Variants in RCAN2 observed in about 807,000 individuals in gnomAD.
RCAN2 encodes regulator of calcineurin 2.
RCAN2 carries 9 observed loss-of-function variants against 23.6 expected under a neutral mutation model. That is an observed-to-expected ratio of 0.38 (90% CI 0.23 to 0.67). RCAN2 has a LOEUF of 0.67. RCAN2 is among the 30% of genes least tolerant of loss of function. The pLI, the probability that RCAN2 is intolerant of heterozygous loss-of-function variation, is 0.51. For synonymous variants in RCAN2, 109 were observed against 115.7 expected, an observed-to-expected ratio of 0.94 and a Z score of 0.37; for missense variants, 273 against 302.3, an observed-to-expected ratio of 0.90 and a Z score of 0.72.
At position 46,327,366 on chromosome 6, in the gene RCAN2, G is replaced by A. The variant is rs150512134; in HGVS notation, c.226-78470C>T. ...ATACTGGCAGACAGAGAAGTGAGGG[G>A]TGCCCTTCAGCTAGGTAAAAACAGA... On this transcript the variant is annotated intron_variant, in intron 2 of 4. Coordinates refer to ENST00000371374, the MANE Select transcript of RCAN2 (RefSeq NM_001251974.2). Among the ~76,000 whole-genome samples the A allele has an allele frequency of 7.1e-3, 1,083 of 152,128 alleles. 10 individuals are homozygous for A. The highest frequency in any genetic ancestry group is 0.024 in the African/African-American group (1,012 of 41,398).
intron 2 of RCAN2, among the ~76,000 whole-genome samples, chr6:46,290,753 C>T (rs995984558): frequency 1.3e-5 from 2 of 152,234 alleles, no homozygotes; most frequent in South Asian, 2.1e-4. Flanking sequence ...TGACTAAAAC[C>T]GTGAAGACGG....
At chr6:46,401,595 T>C (rs1447549131) in intron 2 of RCAN2, among the ~76,000 whole-genome samples, 2 of 152,130 alleles carry the variant, frequency 1.3e-5, no homozygotes, top group Non-Finnish European at 2.9e-5. Context: ...GCCCCTCAAT[T>C]TCAGTGTACT....
Position 46,246,912 on chromosome 6 carries a change from G to C in RCAN2, c.407C>G (p.Thr136Ser). The change falls in exon 4 of 5, where the codon ACT becomes AGT. Residue 136 changes from threonine (T) to serine (S), a missense_variant. Coordinates refer to ENST00000371374, the MANE Select transcript of RCAN2 (RefSeq NM_001251974.2). ...CAGTTTGTCTCCATCTGTCTCTGGAGTCTGAACCTTTCAAATAGAGTAGAG... is the reference window on the plus strand; with the variant it reads ...CAGTTTGTCTCCATCTGTCTCTGGACTCTGAACCTTTCAAATAGAGTAGAG... The part of the protein sequence containing the change: ...KLKLYFAQVQ[T>S]PETDGDKLHL... 1 of 1,558,908 alleles carries C rather than the reference G, an allele frequency of 6.4e-7. No homozygotes were observed. The highest frequency in any genetic ancestry group is 8.7e-7 in the Non-Finnish European group (1 of 1,151,568).
chr6:46,318,002 G>A (rs1355350047), intron 2 of RCAN2, among the ~76,000 whole-genome samples: 2 of 152,178 alleles, frequency 1.3e-5, no homozygotes, highest in African/African-American at 4.8e-5. Flanking sequence ...AGAATTTTGT[G>A]ATTGGAAACA....
chr6:46,342,860 C>T (rs1359498016), intron 2 of RCAN2, among the ~76,000 whole-genome samples: 1 of 151,940 alleles, frequency 6.6e-6, no homozygotes, highest in Non-Finnish European at 1.5e-5. Context: ...AAGAGTAAGT[C>T]TGTAAAACTA....
At chr6:46,246,387 C>A (rs905826852) in intron 4 of RCAN2, among the ~76,000 whole-genome samples, 1 of 152,106 alleles carries the variant, frequency 6.6e-6, no homozygotes, top group Non-Finnish European at 1.5e-5. Context: ...AGCATAGATG[C>A]CTCCTTCCAG....
At chr6:46,368,479 A>C (rs1162769458) in intron 2 of RCAN2, among the ~76,000 whole-genome samples, 2 of 152,176 alleles carry the variant, frequency 1.3e-5, no homozygotes, top group Non-Finnish European at 2.9e-5. Flanking sequence ...GAAATAGGCA[A>C]TTTTGTTATT....
At chr6:46,332,938 G>A (rs1426397647) in intron 2 of RCAN2, among the ~76,000 whole-genome samples, 1 of 152,176 alleles carries the variant, frequency 6.6e-6, no homozygotes, top group African/African-American at 2.4e-5. Flanking sequence ...GTGTAAAAGT[G>A]TTCCTATTTC....
At chr6:46,256,723 T>C (rs1766929724) in intron 2 of RCAN2, among the ~76,000 whole-genome samples, 1 of 151,976 alleles carries the variant, frequency 6.6e-6, no homozygotes, top group African/African-American at 2.4e-5. Flanking sequence ...GACTCAAACA[T>C]GGCTTATAAA....
chr6:46,299,007 T>C (rs1561848286), intron 2 of RCAN2, among the ~76,000 whole-genome samples: 1 of 151,850 alleles, frequency 6.6e-6, no homozygotes, highest in Non-Finnish European at 1.5e-5. Flanking sequence ...CATATAAGAA[T>C]AGAAAACAAA....
intron 4 of RCAN2, among the ~76,000 whole-genome samples, chr6:46,225,193 T>C (rs978357997): frequency 2.6e-5 from 4 of 152,212 alleles, no homozygotes; most frequent in African/African-American, 9.7e-5. Flanking sequence ...TGATGGACAT[T>C]TGGGTTGGTT....
chr6:46,434,011 T>C (rs1767292887), intron 2 of RCAN2, among the ~76,000 whole-genome samples: 1 of 152,168 alleles, frequency 6.6e-6, no homozygotes, highest in African/African-American at 2.4e-5. Flanking sequence ...AGACTGCCTA[T>C]ACAAACCTGG....
chr6:46,270,042 C>T (rs774984615), intron 2 of RCAN2, among the ~76,000 whole-genome samples: 1 of 152,102 alleles, frequency 6.6e-6, no homozygotes, highest in African/African-American at 2.4e-5. Flanking sequence ...TTAGAGGTAG[C>T]GAATGATTGC....
At chr6:46,468,338 G>A (rs1768452196) in intron 1 of RCAN2, among the ~76,000 whole-genome samples, 1 of 152,146 alleles carries the variant, frequency 6.6e-6, no homozygotes, top group Non-Finnish European at 1.5e-5. Context: ...GAAGTACTTA[G>A]CTTCCTAGTA....
intron 2 of RCAN2, among the ~76,000 whole-genome samples, chr6:46,256,357 G>A (rs1297567663): frequency 2.7e-5 from 4 of 146,472 alleles, no homozygotes; most frequent in South Asian, 4.3e-4. Context: ...GTGACAGAGC[G>A]AGATTCTGTC....
At chr6:46,398,391 G>A (rs1421497300) in intron 2 of RCAN2, among the ~76,000 whole-genome samples, 6 of 152,090 alleles carry the variant, frequency 3.9e-5, no homozygotes, top group Admixed American at 6.5e-5. Flanking sequence ...GAGTGAGCCC[G>A]TGGAGGTCCA....
At chr6:46,475,382 G>T (rs1489987182) in intron 1 of RCAN2, among the ~76,000 whole-genome samples, 2 of 152,172 alleles carry the variant, frequency 1.3e-5, no homozygotes, top group African/African-American at 2.4e-5. Flanking sequence ...GCAGTGAATT[G>T]TTATGTCCAT....
intron 2 of RCAN2, among the ~76,000 whole-genome samples, chr6:46,328,809 C>G (rs900828036): frequency 6.6e-6 from 1 of 152,202 alleles, no homozygotes; most frequent in African/African-American, 2.4e-5. Flanking sequence ...TGGGGTTTCA[C>G]CATGTTGGCC....
chr6:46,477,384 A>T (rs1179238298), intron 1 of RCAN2, among the ~76,000 whole-genome samples: 1 of 152,196 alleles, frequency 6.6e-6, no homozygotes, highest in Non-Finnish European at 1.5e-5. Flanking sequence ...AACACATAAA[A>T]GCTAGAATCA....
Sources: allele counts gnomAD v4.1 joint callset (sites outside exome capture counted in the v4.1 genomes callset), GRCh38; gene constraint gnomAD v4.1.1; transcripts MANE v1.5; gene names NCBI Gene and HGNC (gene_info 2026-07-23, HGNC 2026-07-21).